DLGAP1: variants seen among roughly 807,000 people sequenced by gnomAD.
DLGAP1 encodes disks large-associated protein 1.
In DLGAP1, 11 loss-of-function variants were observed where a neutral mutation model predicts 90.8. The observed-to-expected ratio is 0.12, with a 90% CI of 0.08 to 0.20. The LOEUF (loss-of-function observed/expected upper bound fraction) is 0.20, where lower values mean the gene tolerates loss of function less well. Ranked by LOEUF, DLGAP1 falls within the 10% of genes least tolerant of loss-of-function variation. The pLI is 1.00. For synonymous variants in DLGAP1, 558 were observed against 540.7 expected (o/e 1.03, Z -0.44); for missense variants, 1,050 against 1,333.8 (o/e 0.79, Z 3.31).
chr18:4,205,383 T>C (rs1160018018), intron 1 of DLGAP1, among the ~76,000 whole-genome samples: 5 of 152,178 alleles, frequency 3.3e-5, no homozygotes, highest in Non-Finnish European at 7.3e-5. Context: ...AAGCTATGGT[T>C]GGTCTGTGAA....
At chr18:3,828,351 C>G (rs2067836166) in intron 4 of DLGAP1, among the ~76,000 whole-genome samples, 1 of 152,190 alleles carries the variant, frequency 6.6e-6, no homozygotes. Context: ...TTTTTAAAAA[C>G]AAGACAGGCC....
chr18:4,139,807 G>A (rs1406352003), intron 2 of DLGAP1, among the ~76,000 whole-genome samples: 1 of 151,850 alleles, frequency 6.6e-6, no homozygotes, highest in African/African-American at 2.4e-5. Context: ...GGGTGTAAGT[G>A]TATTTATAAT....
intron 1 of DLGAP1, among the ~76,000 whole-genome samples, chr18:4,165,532 C>T (rs1463147916): frequency 6.6e-6 from 1 of 151,958 alleles, no homozygotes; most frequent in East Asian, 1.9e-4. Flanking sequence ...AAAAGAAAAA[C>T]AGGAACAAGT....
chr18:4,185,202 A>G (rs2077271335), intron 1 of DLGAP1, among the ~76,000 whole-genome samples: 1 of 152,052 alleles, frequency 6.6e-6, no homozygotes, highest in South Asian at 2.1e-4. Flanking sequence ...TATTAAATAC[A>G]ATAAGACAAG....
At chr18:4,269,548 G>C (rs931361199) in intron 1 of DLGAP1, among the ~76,000 whole-genome samples, 2 of 151,588 alleles carry the variant, frequency 1.3e-5, no homozygotes, top group Non-Finnish European at 2.9e-5. Flanking sequence ...TAGAGACGGG[G>C]TTTCACCGTG....
At chr18:4,425,683 G>C (rs1448340018) in intron 1 of DLGAP1, among the ~76,000 whole-genome samples, 3 of 152,116 alleles carry the variant, frequency 2.0e-5, no homozygotes, top group African/African-American at 7.2e-5. Flanking sequence ...TAGGTGCTAA[G>C]GACAATGCAG....
chr18:3,712,938 C>T (rs1347432531), intron 7 of DLGAP1, among the ~76,000 whole-genome samples: 1 of 152,176 alleles, frequency 6.6e-6, no homozygotes, highest in Non-Finnish European at 1.5e-5. Flanking sequence ...GTTTCCTTTA[C>T]AGAGTTATCC....
At chr18:3,950,949 G>A (rs1264467460) in intron 3 of DLGAP1, among the ~76,000 whole-genome samples, 2 of 152,196 alleles carry the variant, frequency 1.3e-5, no homozygotes, top group Non-Finnish European at 2.9e-5. Context: ...GACAAGACTG[G>A]AGGAGAGTCC....
intron 1 of DLGAP1, among the ~76,000 whole-genome samples, chr18:4,227,493 C>T (rs1018533234): frequency 6.6e-6 from 1 of 151,716 alleles, no homozygotes; most frequent in South Asian, 2.1e-4. Context: ...TGAAATATAT[C>T]GAACATCTTC....
intron 1 of DLGAP1, among the ~76,000 whole-genome samples, chr18:4,269,601 G>A (rs1784722): frequency 0.021 from 3,250 of 151,832 alleles, 124 homozygotes; most frequent in African/African-American, 0.071. Flanking sequence ...TGATCCACCC[G>A]CCTTGGCCTC....
At chr18:4,072,642 G>A (rs2075466604) in intron 2 of DLGAP1, among the ~76,000 whole-genome samples, 1 of 152,030 alleles carries the variant, frequency 6.6e-6, no homozygotes, top group Non-Finnish European at 1.5e-5. Flanking sequence ...GCTAATTTTT[G>A]TATTTTTAGT....
At chr18:3,927,849 G>C (rs573751500) in intron 3 of DLGAP1, among the ~76,000 whole-genome samples, 34 of 152,178 alleles carry the variant, frequency 2.2e-4, no homozygotes, top group Non-Finnish European at 4.6e-4. Flanking sequence ...TTCCCAAGGA[G>C]CATGAATGTT....
intron 7 of DLGAP1, among the ~76,000 whole-genome samples, chr18:3,698,544 C>A (rs2061171606): frequency 6.6e-6 from 1 of 152,150 alleles, no homozygotes; most frequent in Non-Finnish European, 1.5e-5. Context: ...AGGGTTTCTG[C>A]AGAGAGATCT....
At chr18:4,330,337 T>G (rs181823219) in intron 1 of DLGAP1, among the ~76,000 whole-genome samples, 2 of 151,918 alleles carry the variant, frequency 1.3e-5, no homozygotes, top group African/African-American at 4.8e-5. Flanking sequence ...AATTTATTTT[T>G]TACTGTTCTT....
intron 4 of DLGAP1, among the ~76,000 whole-genome samples, chr18:3,840,575 T>A (rs1387592534): frequency 1.3e-5 from 2 of 152,192 alleles, no homozygotes; most frequent in Non-Finnish European, 2.9e-5. Context: ...CTTAATGTAA[T>A]CACATCTGCA....
At chr18:3,831,440 G>T (rs1427549572) in intron 4 of DLGAP1, among the ~76,000 whole-genome samples, 1 of 152,118 alleles carries the variant, frequency 6.6e-6, no homozygotes, top group African/African-American at 2.4e-5. Context: ...TTCCAAGAGG[G>T]TTTGGGAGAT....
chr18:4,271,335 T>C (rs2079276102), intron 1 of DLGAP1, among the ~76,000 whole-genome samples: 1 of 152,166 alleles, frequency 6.6e-6, no homozygotes, highest in Non-Finnish European at 1.5e-5. Context: ...TACTTTACCA[T>C]GTTGTTCTTG....
rs997934878 is a variant in DLGAP1, at chr18:3,711,834, G to C, written c.1591+17301C>G. On this transcript the variant is annotated intron_variant, in intron 7 of 12. Transcript: ENST00000315677. The surrounding 1 kb of genome is among the most constrained non-coding windows in gnomAD (Gnocchi z 4.0). ...AGTCTGGGCAACAGAGTGAGACCTT[G>C]TCTCAAAAAGAAAGAAAAAGAAAAA... 7.9e-5 allele frequency among the ~76,000 whole-genome samples: 12 copies of C among 152,020 alleles called. No homozygotes were observed. Among genetic ancestry groups the C allele is most frequent in the Non-Finnish European group, 5.9e-5 (4 of 67,998 alleles).
intron 8 of DLGAP1, among the ~76,000 whole-genome samples, chr18:3,572,824 T>C (rs777646221): frequency 7.9e-5 from 12 of 152,204 alleles, no homozygotes; most frequent in Non-Finnish European, 1.8e-4. Context: ...CCAAATGCAA[T>C]AGTTTTTACT....
Sources: allele counts gnomAD v4.1 joint callset (sites outside exome capture counted in the v4.1 genomes callset), GRCh38; gene constraint gnomAD v4.1.1; non-coding constraint Gnocchi (gnomAD v3.1); transcripts MANE v1.5; gene names NCBI Gene and HGNC (gene_info 2026-07-23, HGNC 2026-07-21).